The following SHISA9 variants were observed in gnomAD, a reference collection of about 807,000 sequenced individuals.
The protein encoded by SHISA9 is protein shisa-9.
Under a neutral mutation model 38.0 loss-of-function variants are expected in SHISA9, and 13 were observed. That is an observed-to-expected ratio of 0.34 (90% CI 0.22 to 0.54). The LOEUF (loss-of-function observed/expected upper bound fraction) is 0.54. Ranked by LOEUF, SHISA9 falls within the 20% of genes least tolerant of loss-of-function variation. The pLI is 0.91. For missense variants in SHISA9, 538 were observed against 575.8 expected (o/e 0.93, Z 0.67); for synonymous variants, 275 against 242.0 (o/e 1.14, Z -1.27).
At chr16:13,444,995 T>C in the SHISA9 span, among the ~76,000 whole-genome samples, 1 of 9,502 alleles carries the variant, frequency 1.1e-4, no homozygotes, top group African/African-American at 8.0e-4. Flanking sequence ...TATATATATA[T>C]ATATATATAT....
At chr16:13,019,523 TG>T (rs2072797794) in intron 2 of SHISA9, among the ~76,000 whole-genome samples, 1 of 152,066 alleles carries the variant, frequency 6.6e-6, no homozygotes, top group Admixed American at 6.5e-5. Context: ...ACAAAGTCTC[TG>T]ATTTTAGCTA....
intron 2 of SHISA9, among the ~76,000 whole-genome samples, chr16:12,959,288 G>T (rs1239990311): frequency 6.6e-6 from 1 of 152,246 alleles, no homozygotes; most frequent in African/African-American, 2.4e-5. Context: ...AGCCTCTGCA[G>T]GGTGCTGGTT....
intron 4 of SHISA9, among the ~76,000 whole-genome samples, chr16:13,214,286 C>T (rs1035862024): frequency 1.3e-5 from 2 of 152,194 alleles, no homozygotes; most frequent in South Asian, 2.1e-4. Flanking sequence ...GCAACCTCCT[C>T]CGCCTCCCAG....
intron 2 of SHISA9, among the ~76,000 whole-genome samples, chr16:12,956,094 G>A (rs2071829993): frequency 6.6e-6 from 1 of 152,072 alleles, no homozygotes; most frequent in Non-Finnish European, 1.5e-5. Flanking sequence ...CTGGGCAAAG[G>A]GCGTGACAGA....
the SHISA9 span, among the ~76,000 whole-genome samples, chr16:13,486,020 T>C: frequency 1.3e-5 from 2 of 152,232 alleles, no homozygotes; most frequent in Non-Finnish European, 2.9e-5. Context: ...TCCCATACTG[T>C]CTGCCTAGAC....
At chr16:12,954,726 A>T (rs976886231) in intron 2 of SHISA9, among the ~76,000 whole-genome samples, 2 of 152,200 alleles carry the variant, frequency 1.3e-5, no homozygotes, top group African/African-American at 4.8e-5. Flanking sequence ...TATTTTACAG[A>T]TTAGGAAACA....
At chr16:12,918,302 TG>T (rs1293278185) in intron 2 of SHISA9, among the ~76,000 whole-genome samples, 1 of 152,188 alleles carries the variant, frequency 6.6e-6, no homozygotes, top group Non-Finnish European at 1.5e-5. Context: ...GGAAATAAGT[TG>T]AACCTAGTCG....
chr16:13,489,148 GC>G, the SHISA9 span, among the ~76,000 whole-genome samples: 1 of 152,084 alleles, frequency 6.6e-6, no homozygotes, highest in Non-Finnish European at 1.5e-5. Flanking sequence ...CTGGGTTCAA[GC>G]GATTCTCCTG....
At chr16:13,519,007 C>T in the SHISA9 span, among the ~76,000 whole-genome samples, 11 of 152,154 alleles carry the variant, frequency 7.2e-5, no homozygotes, top group African/African-American at 2.7e-4. Flanking sequence ...CATTAGGCCC[C>T]ACCTCCCAGA....
intron 2 of SHISA9, among the ~76,000 whole-genome samples, chr16:13,003,628 T>G (rs1169990674): frequency 6.6e-6 from 1 of 151,900 alleles, no homozygotes; most frequent in East Asian, 1.9e-4. Flanking sequence ...GAGGCCAGAG[T>G]GGGTGGATCA....
the SHISA9 span, among the ~76,000 whole-genome samples, chr16:13,359,310 G>T: frequency 6.6e-6 from 1 of 152,052 alleles, no homozygotes; most frequent in East Asian, 1.9e-4. Flanking sequence ...GTGAAACCCT[G>T]TCTCTACTAA....
intron 1 of SHISA9, chr16:12,911,119 C>A: frequency 3.0e-6 from 1 of 329,906 alleles, no homozygotes; most frequent in Non-Finnish European, 4.3e-6. Flanking sequence ...CGCTTAGGGT[C>A]TTGTCACTCG....
chr16:13,284,261 C>T, the SHISA9 span, among the ~76,000 whole-genome samples: 8 of 152,240 alleles, frequency 5.3e-5, 1 homozygote, highest in South Asian at 4.1e-4. Flanking sequence ...ATCACAATCT[C>T]GTGCTGCCTG....
At chr16:13,443,608 A>G in the SHISA9 span, among the ~76,000 whole-genome samples, 1 of 152,148 alleles carries the variant, frequency 6.6e-6, no homozygotes, top group Non-Finnish European at 1.5e-5. Flanking sequence ...ATGTCCTTGT[A>G]ATCAATTCTG....
the SHISA9 span, among the ~76,000 whole-genome samples, chr16:13,394,928 GGTGTGTGTGTGTGTGTGTGTGT>G: frequency 7.2e-6 from 1 of 139,400 alleles, no homozygotes; most frequent in East Asian, 2.1e-4. Flanking sequence ...CAGTATCTGG[GGTGTGTGTGTGTGTGTGTGTGT>G]GTGTGTGTGT....
chr16:13,257,161 CAAAG>C, the SHISA9 span, among the ~76,000 whole-genome samples: 2 of 152,266 alleles, frequency 1.3e-5, no homozygotes, highest in African/African-American at 4.8e-5. Flanking sequence ...CTTTCTCAGC[CAAAG>C]AGTTTGGCCA....
At chr16:13,495,819 C>T in the SHISA9 span, among the ~76,000 whole-genome samples, 1 of 151,986 alleles carries the variant, frequency 6.6e-6, no homozygotes, top group Non-Finnish European at 1.5e-5. Flanking sequence ...TGAAACAGTA[C>T]AAAACACTTT....
chr16:13,136,808 G>A (rs1210509043), intron 2 of SHISA9, among the ~76,000 whole-genome samples: 1 of 152,074 alleles, frequency 6.6e-6, no homozygotes, highest in East Asian at 1.9e-4. Context: ...GCAGCCTTTT[G>A]TTCCCTCCTA....
At chr16:13,147,897 C>T (rs560090815) in intron 2 of SHISA9, among the ~76,000 whole-genome samples, 29 of 152,308 alleles carry the variant, frequency 1.9e-4, no homozygotes, top group Non-Finnish European at 3.5e-4. Flanking sequence ...GAGAAGCTCA[C>T]ATGTGCCAAG....
Sources: allele counts gnomAD v4.1 joint callset (sites outside exome capture counted in the v4.1 genomes callset), GRCh38; gene constraint gnomAD v4.1.1; transcripts MANE v1.5; gene names NCBI Gene and HGNC (gene_info 2026-07-23, HGNC 2026-07-21).